Variants in ABCB4 observed in about 807,000 individuals in gnomAD.
ABCB4 encodes the protein phosphatidylcholine translocator ABCB4.
In ABCB4, 76 loss-of-function variants were observed where a neutral mutation model predicts 145.7. That is an observed-to-expected ratio of 0.52 (90% confidence interval 0.43 to 0.63). The LOEUF (loss-of-function observed/expected upper bound fraction) is 0.63. ABCB4 is among the 30% of genes least tolerant of loss of function. ABCB4 has a pLI of 0.00. For synonymous variants in ABCB4, 517 were observed against 566.8 expected (o/e 0.91, Z 1.25); for missense variants, 1,234 against 1,553.1 (o/e 0.79, Z 3.45).
intron 21 of ABCB4, among the ~76,000 whole-genome samples, chr7:87,416,237 C>A (rs1227690576): frequency 6.6e-6 from 1 of 152,190 alleles, no homozygotes; most frequent in Non-Finnish European, 1.5e-5. Context: ...AGGATTTCAC[C>A]AGACATAATT....
chr7:87,418,655 A>G (rs1158371630), intron 19 of ABCB4, 35 bp from the exon 20 acceptor site: 1 of 1,600,780 alleles, frequency 6.2e-7, no homozygotes, highest in South Asian at 1.1e-5. Flanking sequence ...GTTAGTTCAA[A>G]ATTAAAACAA....
the ABCB4 span, chr7:87,375,688 C>T: frequency 6.2e-7 from 1 of 1,613,520 alleles, no homozygotes; most frequent in Non-Finnish European, 8.5e-7. Flanking sequence ...CCTGGGATTG[C>T]AGCATTAACT....
intron 4 of ABCB4, among the ~76,000 whole-genome samples, chr7:87,460,318 G>T (rs760671998): frequency 1.6e-4 from 25 of 152,036 alleles, no homozygotes; most frequent in Non-Finnish European, 2.8e-4. Flanking sequence ...GATTCAGGGG[G>T]TATATGTGCA....
At chr7:87,465,273 C>A (rs1812783874) in intron 3 of ABCB4, among the ~76,000 whole-genome samples, 1 of 152,246 alleles carries the variant, frequency 6.6e-6, no homozygotes, top group Admixed American at 6.5e-5. Flanking sequence ...AAGCCTCGCT[C>A]ATTGCTAGCA....
chr7:87,471,888 T>C (rs1813436131), intron 3 of ABCB4, among the ~76,000 whole-genome samples: 1 of 152,244 alleles, frequency 6.6e-6, no homozygotes, highest in African/African-American at 2.4e-5. Context: ...AAACCAAATG[T>C]GAATGTAGAT....
rs781687007 is a variant in ABCB4 at position 87,475,474 on chromosome 7, G to A, written c.-6-3C>T. 20 of 1,614,042 alleles carry A rather than the reference G, an allele frequency of 1.2e-5. 1 individual carries two copies. Among genetic ancestry groups the A allele is most frequent in the South Asian group, 4.4e-5 (4 of 91,086 alleles). On this transcript the variant is annotated splice_polypyrimidine_tract_variant and splice_region_variant and intron_variant, in intron 1 of 27. Transcript: ENST00000649586. ...GCCGCCTCAAGATCCATCTCAGCCT[G>A]AGGAGAAACCACAGCCTCAGAACCA...
At chr7:87,455,174 C>G (rs1812030491) in intron 4 of ABCB4, among the ~76,000 whole-genome samples, 1 of 152,178 alleles carries the variant, frequency 6.6e-6, no homozygotes, top group Non-Finnish European at 1.5e-5. Flanking sequence ...AAAGGCATGT[C>G]AGTGATCACT....
At chr7:87,393,638 ACAGTCTGG>A in the ABCB4 span, among the ~76,000 whole-genome samples, 1 of 152,198 alleles carries the variant, frequency 6.6e-6, no homozygotes. Flanking sequence ...GTCCTTATCT[ACAGTCTGG>A]CAGTCTCTTT....
At chr7:87,368,349 A>G in the ABCB4 span, among the ~76,000 whole-genome samples, 9 of 151,948 alleles carry the variant, frequency 5.9e-5, no homozygotes, top group African/African-American at 2.2e-4. Context: ...CCAGCCCTAA[A>G]CTTTGAAAGG....
At chr7:87,431,133 T>C (rs970172350) in intron 15 of ABCB4, among the ~76,000 whole-genome samples, 8 of 152,182 alleles carry the variant, frequency 5.3e-5, no homozygotes, top group Non-Finnish European at 1.0e-4. Flanking sequence ...CATCCCATTA[T>C]GGTAGAAAGG....
intron 23 of ABCB4, among the ~76,000 whole-genome samples, chr7:87,410,168 T>G (rs1808506861): frequency 6.6e-6 from 1 of 152,190 alleles, no homozygotes; most frequent in South Asian, 2.1e-4. Flanking sequence ...AGATGGATAT[T>G]GATTATGACA....
chr7:87,460,402 ATAATACCT>A (rs1236983104), intron 4 of ABCB4, among the ~76,000 whole-genome samples: 1 of 152,204 alleles, frequency 6.6e-6, no homozygotes, highest in African/African-American at 2.4e-5. Context: ...GGTAGTGAGC[ATAATACCT>A]AGTATTTGGT....
intron 17 of ABCB4, among the ~76,000 whole-genome samples, 158 bp from the exon 18 acceptor site, chr7:87,422,383 C>T (rs1408005037): frequency 6.6e-6 from 1 of 152,068 alleles, no homozygotes; most frequent in Admixed American, 6.5e-5. Flanking sequence ...CAAAATTTAC[C>T]ATTTTAACCA....
Position 87,403,160 on chromosome 7 carries a change from G to A in ABCB4, c.3608C>T (p.Ser1203Leu), listed in dbSNP as rs748842753. ...CTTTTCACTTTCAGTATCCAGAGCT[G>A]ATGTAGCTTCATCCAACAGGAGGAT... ...PQILLLDEAT[S>L]ALDTESEKVV... Residue 1203 changes from serine (S) to leucine (L), a missense_variant, in exon 27 of 28, where the codon TCA becomes TTA. Around this residue, in one of 7 missense-constraint regions of ABCB4, gnomAD observed 6 missense variants for 31.3 expected, o/e 0.19. Coordinates refer to ENST00000649586, the MANE Select transcript of ABCB4 (RefSeq NM_000443.4). 1.9e-6 allele frequency: 3 copies of A among 1,613,960 alleles called. No homozygotes were observed. The highest frequency in any genetic ancestry group is 2.5e-6 in the Non-Finnish European group (3 of 1,179,910).
Position 87,435,347 on chromosome 7 carries a change from G to A in ABCB4, c.1732-3782C>T, listed in dbSNP as rs45465699. On this transcript the variant is annotated intron_variant, in intron 14 of 27. Transcript: ENST00000649586. ...TTAATATGGCCACAAACACTTTGCA[G>A]CTTCTCCTATACAGAAGTGGAGCCA... Among the ~76,000 whole-genome samples the A allele has an allele frequency of 5.5e-3, 843 of 152,310 alleles. 5 individuals are homozygous for A. Among genetic ancestry groups the A allele is most frequent in the Non-Finnish European group, 9.5e-3 (643 of 68,024 alleles).
the ABCB4 span, chr7:87,392,941 C>T: frequency 6.2e-7 from 1 of 1,613,362 alleles, no homozygotes; most frequent in Non-Finnish European, 8.5e-7. Flanking sequence ...TTTATTGTGC[C>T]ACACAGCGGA....
At chr7:87,422,406 T>A (rs1035565554) in intron 17 of ABCB4, among the ~76,000 whole-genome samples, 181 bp from the exon 18 acceptor site, 2 of 152,206 alleles carry the variant, frequency 1.3e-5, no homozygotes, top group Admixed American at 1.3e-4. Flanking sequence ...TTTAAGTGTA[T>A]AATTCAGTGG....
At chr7:87,415,898 C>T (rs777611998) in intron 21 of ABCB4, among the ~76,000 whole-genome samples, 2 of 152,136 alleles carry the variant, frequency 1.3e-5, no homozygotes, top group South Asian at 4.1e-4. Flanking sequence ...ACCATTCTCC[C>T]ATATGAAATG....
At chr7:87,460,090 T>C (rs1812350964) in intron 4 of ABCB4, among the ~76,000 whole-genome samples, 1 of 152,142 alleles carries the variant, frequency 6.6e-6, no homozygotes, top group African/African-American at 2.4e-5. Flanking sequence ...ATTGTCCTGC[T>C]ACTAAAGGGA....
Sources: allele counts gnomAD v4.1 joint callset (sites outside exome capture counted in the v4.1 genomes callset), GRCh38; gene constraint gnomAD v4.1.1; regional missense constraint gnomAD v4.1.1; transcripts MANE v1.5; gene names NCBI Gene and HGNC (gene_info 2026-07-23, HGNC 2026-07-21).